The following TRMT10B variants were observed in gnomAD, a reference collection of about 807,000 sequenced individuals.
TRMT10B encodes the protein tRNA methyltransferase 10 homolog B.
A neutral mutation model predicts 43.8 loss-of-function variants in TRMT10B; 33 were observed. That is an observed-to-expected ratio of 0.75 (90% CI 0.57 to 1.01). The LOEUF (loss-of-function observed/expected upper bound fraction) is 1.01, where lower values mean the gene tolerates loss of function less well. Ranked by LOEUF, TRMT10B falls within the 50% of genes least tolerant of loss-of-function variation. The probability of loss-of-function intolerance (pLI) is 0.00; values close to 1 mark genes in which losing one functional copy is unlikely to be tolerated. For missense variants in TRMT10B, 362 were observed against 369.8 expected (o/e 0.98, Z 0.17); for synonymous variants, 137 against 130.6 (o/e 1.05, Z -0.34).
chr9:37,773,247 A>T (rs1389112399), intron 7 of TRMT10B, among the ~76,000 whole-genome samples: 1 of 151,702 alleles, frequency 6.6e-6, no homozygotes, highest in Non-Finnish European at 1.5e-5. Flanking sequence ...ACGTAGGACT[A>T]TAGGCACATG....
At chr9:37,759,310 A>G (rs923712648) in intron 1 of TRMT10B, among the ~76,000 whole-genome samples, 1 of 152,226 alleles carries the variant, frequency 6.6e-6, no homozygotes, top group Non-Finnish European at 1.5e-5. Context: ...AAAAGCAACT[A>G]CTGATACATG....
At chr9:37,755,553 A>G (rs890922362) in intron 1 of TRMT10B, among the ~76,000 whole-genome samples, 2 of 152,194 alleles carry the variant, frequency 1.3e-5, no homozygotes, top group African/African-American at 2.4e-5. Flanking sequence ...ATCAGTATTT[A>G]TTGAGCTTCC....
At position 37,768,134 on chromosome 9, in the gene TRMT10B, A is replaced by C. The variant is rs1352656978; in HGVS notation, c.479A>C (p.Asp160Ala). The C allele has an allele frequency of 6.2e-7, 1 of 1,614,206 alleles. No individual in the cohort carries two copies. The highest frequency in any genetic ancestry group is 1.1e-5 in the South Asian group (1 of 91,090). ...TTGTATGGTTCAAACAAAAAAGCTG[A>C]CAGGCCATTTTGGATCTGCCTCACT... Reference protein sequence around the residue: ...RRLYGSNKKADRPFWICLTGF... With the variant: ...RRLYGSNKKAARPFWICLTGF... The change falls in exon 5 of 9, where the codon GAC (aspartate) becomes GCC (alanine). Residue 160 changes from aspartate (D) to alanine (A), a missense_variant. Coordinates refer to ENST00000297994, the MANE Select transcript of TRMT10B (RefSeq NM_144964.4).
Position 37,762,426 on chromosome 9 carries a change from G to T in TRMT10B, c.187-151G>T, listed in dbSNP as rs1449130353. The T allele has an allele frequency of 2.6e-6, 3 of 1,165,748 alleles. No individual in the cohort carries two copies. The South Asian group carries it at 5.4e-5, about 21-fold the overall frequency. 72.2% of individuals were successfully genotyped at this position (1,165,748 alleles called of 1,614,324 possible). The stretch of plus-strand genomic sequence containing the variant: ...CTGGGGCTCTGTTTTCTCTAAACAC[G>T]ATCCAGTCTAGGTTTGTTTTTAAGA... On this transcript the variant is annotated intron_variant, in intron 2 of 8. Coordinates refer to ENST00000297994, the MANE Select transcript of TRMT10B (RefSeq NM_144964.4).
At chr9:37,763,814 G>A in intron 4 of TRMT10B, 61 bp downstream of exon 4, 1 of 1,611,186 alleles carries the variant, frequency 6.2e-7, no homozygotes, top group Non-Finnish European at 8.5e-7. Flanking sequence ...GAAGGGTACA[G>A]CTTTCCGAAG....
In TRMT10B at chr9:37,753,849, T is replaced by A. The variant is rs7848132; in HGVS notation, c.-33T>A. ...CTGCCGCTGCGTGGGGGTGAGGGGA[T>A]CAGGTACGCTGTCCGCTGGTTAAGG... On this transcript the variant is annotated 5_prime_UTR_variant, in exon 1 of 9. Coordinates refer to ENST00000297994, the MANE Select transcript of TRMT10B (RefSeq NM_144964.4). The A allele has an allele frequency of 6.6e-6, 1 of 152,006 alleles. No individual in the cohort carries two copies. The highest frequency in any genetic ancestry group is 1.5e-5 in the Non-Finnish European group (1 of 68,040). 9.4% of individuals were successfully genotyped at this position (152,006 alleles called of 1,614,324 possible).
chr9:37,776,498 T>A (rs1286130334), intron 8 of TRMT10B, 93 bp downstream of exon 8: 2 of 1,427,892 alleles, frequency 1.4e-6, no homozygotes. Context: ...GTCTCCTCTG[T>A]GACTAATGTG....
chr9:37,777,494 T>A, intron 8 of TRMT10B, 107 bp from the exon 9 acceptor site: 1 of 893,556 alleles, frequency 1.1e-6, no homozygotes, highest in Non-Finnish European at 1.8e-6. Context: ...GTACCACATA[T>A]GGTGCAGAAT....
Position 37,777,638 on chromosome 9 carries a change from C to G in TRMT10B, c.882C>G (p.Asn294Lys), listed in dbSNP as rs191609344. The G allele has an allele frequency of 6.2e-7, 1 of 1,614,010 alleles. No homozygotes were observed. The highest frequency in any genetic ancestry group is 1.3e-5 in the African/African-American group (1 of 74,990). Residue 294 changes from asparagine (N) to lysine (K), a missense_variant, in exon 9 of 9, where the codon AAC (asparagine) becomes AAG (lysine). Transcript: ENST00000297994. Reference sequence around the variant, plus strand: ...TGTCCACTTACTTAGAGACTCACAACTGGCCTGAAGCATTGAAGAAAGGAG... The same window carrying G: ...TGTCCACTTACTTAGAGACTCACAAGTGGCCTGAAGCATTGAAGAAAGGAG... ...DILSTYLETHNWPEALKKGVS... is the reference protein window; with the variant it reads ...DILSTYLETHKWPEALKKGVS...
intron 4 of TRMT10B, among the ~76,000 whole-genome samples, chr9:37,766,214 C>G (rs1465133415): frequency 1.3e-5 from 2 of 152,008 alleles, no homozygotes; most frequent in Non-Finnish European, 2.9e-5. Flanking sequence ...GGTTTTAGGT[C>G]TAACATTTAA....
upstream of TRMT10B, among the ~76,000 whole-genome samples, chr9:37,752,941 T>G (rs916122714): frequency 1.3e-5 from 2 of 152,076 alleles, no homozygotes; most frequent in African/African-American, 4.8e-5. Context: ...GTGGGTGCTT[T>G]GTTCTTTGTA....
At chr9:37,767,513 C>CAAAAAAAAAAAAAAAAAAAACAAAAA (rs1827107092) in intron 4 of TRMT10B, 1 of 78,048 alleles carries the variant, frequency 1.3e-5, no homozygotes, top group Non-Finnish European at 2.3e-5. Flanking sequence ...ACCCTGTCTC[C>CAAAAAAAAAAAAAAAAAAAACAAAAA]AAAAAAAAAA....
Position 37,777,600 on chromosome 9 carries a change from G to GTGTT in TRMT10B, c.847_850dup (p.Asp284ValfsTer2). On this transcript the variant is annotated frameshift_variant and splice_region_variant. Transcript: ENST00000297994. LOFTEE classifies it high-confidence loss of function. Reference sequence around the variant, plus strand: ...TGTGTTTTCTGTTTACTCTCTAACAGTGTTTGATATCCTGTCCACTTACTT... The same window carrying GTGTT: ...TGTGTTTTCTGTTTACTCTCTAACAGTGTTTGTTTGATATCCTGTCCACTTACTT... 1 of 1,609,648 alleles carries GTGTT rather than the reference G, an allele frequency of 6.2e-7. No homozygotes were observed. The highest frequency in any genetic ancestry group is 8.5e-7 in the Non-Finnish European group (1 of 1,176,126).
chr9:37,754,643 C>T (rs914952211), intron 1 of TRMT10B, among the ~76,000 whole-genome samples: 74 of 152,202 alleles, frequency 4.9e-4, no homozygotes, highest in African/African-American at 1.5e-3. Flanking sequence ...AGACAGCTGT[C>T]ATGCAAGGCA....
At chr9:37,773,015 T>C (rs942177831) in intron 7 of TRMT10B, among the ~76,000 whole-genome samples, 2 of 152,348 alleles carry the variant, frequency 1.3e-5, no homozygotes, top group East Asian at 3.9e-4. Flanking sequence ...GAAAATGGTA[T>C]TGTGGTAAGG....
At chr9:37,770,504 GTTTTA>G (rs890932005) in intron 6 of TRMT10B, among the ~76,000 whole-genome samples, 163 bp from the exon 7 acceptor site, 10 of 152,112 alleles carry the variant, frequency 6.6e-5, no homozygotes, top group African/African-American at 2.4e-4. Context: ...CAGTTTGTCT[GTTTTA>G]TTGGCCATTT....
At position 37,777,737 on chromosome 9, in the gene TRMT10B, G is replaced by C. The variant is rs1231626698; in HGVS notation, c.*30G>C. On this transcript the variant is annotated 3_prime_UTR_variant, in exon 9 of 9. Transcript: ENST00000297994. ...CCTAAGATTGCAGCTGCGTGGCCAG[G>C]TGCTCACGCCGTAATGCCAACACTT... is the stretch of plus-strand genomic sequence containing the variant. The C allele has an allele frequency of 1.3e-6, 2 of 1,570,684 alleles. No homozygotes were observed. Among genetic ancestry groups the C allele is most frequent in the African/African-American group, 1.4e-5 (1 of 73,944 alleles).
intron 7 of TRMT10B, among the ~76,000 whole-genome samples, chr9:37,774,636 A>G (rs1008524804): frequency 1.3e-5 from 2 of 152,268 alleles, no homozygotes; most frequent in Non-Finnish European, 2.9e-5. Flanking sequence ...AAGACTTTTT[A>G]TAAAACAAAC....
intron 4 of TRMT10B, among the ~76,000 whole-genome samples, chr9:37,765,561 CTT>C (rs1239614665): frequency 6.6e-6 from 1 of 152,142 alleles, no homozygotes; most frequent in Non-Finnish European, 1.5e-5. Flanking sequence ...GTGCATGTGT[CTT>C]TATAGAAGCA....
Sources: allele counts gnomAD v4.1 joint callset (sites outside exome capture counted in the v4.1 genomes callset), GRCh38; gene constraint gnomAD v4.1.1; transcripts MANE v1.5; gene names NCBI Gene and HGNC (gene_info 2026-07-23, HGNC 2026-07-21).